The following IQCM variants were observed in gnomAD, a reference collection of about 807,000 sequenced individuals.
IQCM encodes IQ domain-containing protein M.
Under a neutral mutation model 57.6 loss-of-function variants are expected in IQCM, and 45 were observed. That is an observed-to-expected ratio of 0.78 (90% CI 0.62 to 1.00). The LOEUF is 1.00. Among genes scored for constraint, IQCM ranks in the 50% least tolerant of loss-of-function variants. IQCM has a pLI of 0.00. For synonymous variants in IQCM, 148 were observed against 158.9 expected (o/e 0.93, Z 0.51); for missense variants, 468 against 511.6 (o/e 0.91, Z 0.82).
chr4:149,392,311 A>T lies in IQCM; in HGVS notation c.1391-40245T>A, dbSNP rs1731917167. Among the ~76,000 whole-genome samples the T allele has an allele frequency of 2.0e-5, 3 of 152,150 alleles. No individual in the cohort carries two copies. In the South Asian group the frequency reaches 6.2e-4, roughly 32 times the overall value. On this transcript the variant is annotated intron_variant, in intron 13 of 13. Coordinates refer to ENST00000636793, the MANE Select transcript of IQCM (RefSeq NM_001363507.2). ...AATAAACGGAGATACATAAGCAAGA[A>T]GGTTGAAGATAAAGCAATACATAAA... is the stretch of plus-strand genomic sequence containing the variant.
chr4:149,692,329 A>ATAT (rs1191484259), intron 5 of IQCM, among the ~76,000 whole-genome samples: 1 of 152,210 alleles, frequency 6.6e-6, no homozygotes, highest in African/African-American at 2.4e-5. Flanking sequence ...TTCTTGTCTA[A>ATAT]TATTACACCA....
intron 2 of IQCM, among the ~76,000 whole-genome samples, chr4:149,748,232 C>T (rs1053098696): frequency 2.6e-5 from 4 of 152,094 alleles, no homozygotes; most frequent in African/African-American, 9.7e-5. Flanking sequence ...ACTCCAAGTT[C>T]AGAGGCACAC....
rs768553571 is a variant in IQCM at position 149,352,001 on chromosome 4, T to C, written c.1456A>G (p.Ile486Val). 24 of 398,872 alleles carry C rather than the reference T, an allele frequency of 6.0e-5. No homozygotes were observed. Among genetic ancestry groups the C allele is most frequent in the Non-Finnish European group, 1.1e-4 (24 of 226,016 alleles). 24.7% of individuals were successfully genotyped at this position (398,872 alleles called of 1,614,324 possible). The stretch of plus-strand genomic sequence containing the variant: ...TGTTGTCTCATTTTCCTTTCTCTTA[T>C]GGATCGGGCCACCAACTTTCCAACA... Reference protein sequence around the residue: ...RVVGKLVARSIRERKMRQHYK... With the variant: ...RVVGKLVARSVRERKMRQHYK... Residue 486 changes from isoleucine to valine, a missense_variant, in exon 14 of 14, where the codon ATA becomes GTA. Transcript: ENST00000636793.
chr4:149,530,845 T>C (rs972722659), intron 12 of IQCM, among the ~76,000 whole-genome samples: 4 of 114,204 alleles, frequency 3.5e-5, no homozygotes, highest in African/African-American at 6.9e-5. Flanking sequence ...TCAGTTAACA[T>C]CATAGCCTAT....
At chr4:149,538,967 A>G (rs956082231) in intron 12 of IQCM, among the ~76,000 whole-genome samples, 5 of 152,184 alleles carry the variant, frequency 3.3e-5, no homozygotes, top group Middle Eastern at 3.4e-3. Context: ...ATAATTTAAT[A>G]ATAAGAAAAT....
intron 7 of IQCM, among the ~76,000 whole-genome samples, chr4:149,623,237 T>A (rs1756502784): frequency 1.3e-5 from 2 of 152,216 alleles, no homozygotes; most frequent in African/African-American, 4.8e-5. Flanking sequence ...AGGTTAAATC[T>A]TACAGGCAAA....
intron 13 of IQCM, among the ~76,000 whole-genome samples, chr4:149,383,744 A>G (rs1731232044): frequency 6.6e-6 from 1 of 152,120 alleles, no homozygotes; most frequent in Non-Finnish European, 1.5e-5. Flanking sequence ...ACCTGAGGTC[A>G]GGAGTTTGAG....
At chr4:149,481,705 T>TTTTTTTTGTTTGTTTG (rs1560895903) in intron 12 of IQCM, among the ~76,000 whole-genome samples, 1 of 133,126 alleles carries the variant, frequency 7.5e-6, no homozygotes, top group African/African-American at 2.8e-5. Flanking sequence ...AGTTTTGTTT[T>TTTTTTTTGTTTGTTTG]TTTTTTTTTT....
At chr4:149,455,087 C>A (rs1430685649) in intron 12 of IQCM, among the ~76,000 whole-genome samples, 1 of 151,994 alleles carries the variant, frequency 6.6e-6, no homozygotes, top group East Asian at 1.9e-4. Flanking sequence ...GTATGCTTCT[C>A]AACTTATGGT....
Position 149,641,056 on chromosome 4 carries a change from G to A in IQCM, c.566-19812C>T, listed in dbSNP as rs77557030. Among the ~76,000 whole-genome samples, 59 of 152,286 alleles carry A rather than the reference G, an allele frequency of 3.9e-4. No homozygotes were observed. The East Asian group carries it at 0.011, about 29-fold the overall frequency. On this transcript the variant is annotated intron_variant, in intron 7 of 13. Coordinates refer to ENST00000636793, the MANE Select transcript of IQCM (RefSeq NM_001363507.2). ...GAGGCAGGAGAATCACTTGAACCAAGGAGGAAGAGGTTGCAGTGAGCTATC... is the reference window on the plus strand; with the variant it reads ...GAGGCAGGAGAATCACTTGAACCAAAGAGGAAGAGGTTGCAGTGAGCTATC...
intron 13 of IQCM, among the ~76,000 whole-genome samples, chr4:149,379,382 G>T (rs1560787864): frequency 6.6e-6 from 1 of 152,174 alleles, no homozygotes. Context: ...CATGAAAGCA[G>T]CCAGAAGAGA....
intron 5 of IQCM, among the ~76,000 whole-genome samples, chr4:149,710,332 T>C (rs1352219138): frequency 2.0e-5 from 3 of 152,146 alleles, no homozygotes; most frequent in African/African-American, 7.2e-5. Context: ...CATTGGGTCC[T>C]AGAATTCTAA....
chr4:149,712,423 AG>A (rs552987872), intron 5 of IQCM, among the ~76,000 whole-genome samples: 128 of 152,238 alleles, frequency 8.4e-4, no homozygotes, highest in Middle Eastern at 3.4e-3. Context: ...GCATAACAGA[AG>A]TACCCCCTCC....
intron 12 of IQCM, among the ~76,000 whole-genome samples, chr4:149,496,903 G>T (rs1337357138): frequency 6.6e-6 from 1 of 152,118 alleles, no homozygotes; most frequent in Non-Finnish European, 1.5e-5. Context: ...TCTGAAATAT[G>T]AATGGCAAAA....
At position 149,525,240 on chromosome 4, in the gene IQCM, C is replaced by T. The variant is rs186490022; in HGVS notation, c.1228+23215G>A. Among the ~76,000 whole-genome samples, 16 of 151,776 alleles carry T rather than the reference C, an allele frequency of 1.1e-4. No homozygotes were observed. In the East Asian group the frequency reaches 1.2e-3, roughly 11 times the overall value. On this transcript the variant is annotated intron_variant, in intron 12 of 13. Transcript: ENST00000636793. ...TTATGAAAGTAGATGAAACATTCTA[C>T]GTAAAATATTACAAAATAGAATGTA...
intron 2 of IQCM, among the ~76,000 whole-genome samples, chr4:149,809,968 G>T (rs1034135666): frequency 6.6e-6 from 1 of 152,240 alleles, no homozygotes; most frequent in Admixed American, 6.5e-5. Flanking sequence ...CCGAGTGTCT[G>T]ATTAGCACAT....
At chr4:149,727,193 G>A (rs1212614712) in intron 5 of IQCM, among the ~76,000 whole-genome samples, 2 of 152,128 alleles carry the variant, frequency 1.3e-5, no homozygotes, top group East Asian at 3.9e-4. Flanking sequence ...CCTTTCCCAT[G>A]AGTCTGCACT....
chr4:149,492,580 A>T (rs1474612772), intron 12 of IQCM, among the ~76,000 whole-genome samples: 1 of 152,106 alleles, frequency 6.6e-6, no homozygotes. Flanking sequence ...TACAAGATTA[A>T]TGATAGCCAT....
At chr4:149,674,979 T>C (rs1220712655) in intron 7 of IQCM, among the ~76,000 whole-genome samples, 1 of 152,102 alleles carries the variant, frequency 6.6e-6, no homozygotes, top group Non-Finnish European at 1.5e-5. Flanking sequence ...TAAACAGTAG[T>C]GCTCTTCAAA....
Sources: gnomAD v4.1 joint callset for allele counts (sites outside exome capture counted in the v4.1 genomes callset) on GRCh38, gnomAD v4.1.1 for gene constraint, MANE v1.5 for transcripts, NCBI Gene and HGNC (gene_info 2026-07-23, HGNC 2026-07-21) for gene names.